ARSB: variants seen among roughly 807,000 people sequenced by gnomAD.
ARSB encodes the protein arylsulfatase B.
A neutral mutation model predicts 50.9 loss-of-function variants in ARSB; 41 were observed. The ratio of observed to expected loss-of-function variants is 0.81; its 90% confidence interval spans 0.63 to 1.04. ARSB has a LOEUF of 1.04. ARSB is among the 50% of genes least tolerant of loss of function. The pLI, the probability that ARSB is intolerant of heterozygous loss-of-function variation, is 0.00. For missense variants in ARSB, 672 were observed against 693.3 expected, an observed-to-expected ratio of 0.97 and a Z score of 0.35; for synonymous variants, 269 against 284.8, an observed-to-expected ratio of 0.94 and a Z score of 0.56.
At chr5:78,898,677 T>C (rs924341657) in intron 4 of ARSB, among the ~76,000 whole-genome samples, 4 of 152,238 alleles carry the variant, frequency 2.6e-5, no homozygotes, top group African/African-American at 7.2e-5. Flanking sequence ...CAGGTCTCAC[T>C]GGGCTAATGT....
intron 6 of ARSB, among the ~76,000 whole-genome samples, chr5:78,828,357 A>G (rs1744524966): frequency 6.6e-6 from 1 of 152,104 alleles, no homozygotes; most frequent in East Asian, 1.9e-4. Flanking sequence ...AGTGTGACAT[A>G]TTGTCCTTGT....
rs570367708 is a variant in ARSB at position 78,811,874 on chromosome 5, A to C, written c.1213+27482T>G. Among the ~76,000 whole-genome samples, 60 of 152,316 alleles carry C rather than the reference A, an allele frequency of 3.9e-4. 1 individual carries two copies. In the South Asian group the frequency reaches 0.012, roughly 31 times the overall value. Reference sequence around the variant, plus strand: ...AAAAAGCAGAAACTTAATATTGAAAAAACACTAATTATAAAGGCAGATGAA... The same window carrying C: ...AAAAAGCAGAAACTTAATATTGAAACAACACTAATTATAAAGGCAGATGAA... On this transcript the variant is annotated intron_variant, in intron 6 of 7. Transcript: ENST00000264914.
intron 4 of ARSB, among the ~76,000 whole-genome samples, chr5:78,938,039 A>T (rs1439604343): frequency 1.3e-5 from 2 of 152,146 alleles, no homozygotes; most frequent in African/African-American, 4.8e-5. Context: ...GGAGGTAAAC[A>T]ACCAGCTTCC....
rs146610778 is a variant in ARSB, at chr5:78,900,737, T to C, written c.899-14910A>G. On this transcript the variant is annotated intron_variant, in intron 4 of 7. Transcript: ENST00000264914. ...CATTCCTTGATTCATGCCCTCTTCC[T>C]TCACCTTCAAAGTCAGCAATGGGCG... Among the ~76,000 whole-genome samples the C allele has an allele frequency of 9.9e-5, 15 of 152,258 alleles. No individual in the cohort carries two copies. The East Asian group carries it at 2.7e-3, about 27-fold the overall frequency.
chr5:78,845,151 G>A (rs145635339), intron 5 of ARSB, among the ~76,000 whole-genome samples: 433 of 152,046 alleles, frequency 2.8e-3, no homozygotes, highest in Middle Eastern at 0.014. Context: ...TCTGTGCCTG[G>A]CTTATTTCAC....
intron 4 of ARSB, among the ~76,000 whole-genome samples, chr5:78,942,610 T>A (rs1453905215): frequency 6.6e-6 from 1 of 152,246 alleles, no homozygotes; most frequent in African/African-American, 2.4e-5. Context: ...AGTTTCTTAA[T>A]CCTGAGTTCT....
intron 4 of ARSB, among the ~76,000 whole-genome samples, chr5:78,941,848 G>C (rs961404874): frequency 6.6e-5 from 10 of 152,202 alleles, no homozygotes; most frequent in Non-Finnish European, 1.5e-4. Flanking sequence ...AATAGTTTCA[G>C]AAGGAATGGT....
intron 1 of ARSB, 136 bp downstream of exon 1, chr5:78,984,801 C>T (rs937526778): frequency 8.4e-5 from 54 of 639,644 alleles, no homozygotes; most frequent in Non-Finnish European, 1.2e-4. Context: ...GGGCGAGAAG[C>T]CGCCGGGACC....
intron 4 of ARSB, among the ~76,000 whole-genome samples, chr5:78,917,875 G>C (rs1466673579): frequency 6.6e-6 from 1 of 152,186 alleles, no homozygotes; most frequent in Non-Finnish European, 1.5e-5. Context: ...AGGAAGACTA[G>C]ATATACTTCA....
intron 4 of ARSB, among the ~76,000 whole-genome samples, chr5:78,929,825 TC>T (rs11355139): frequency 0.027 from 4,145 of 150,740 alleles, 134 homozygotes; most frequent in East Asian, 0.073. Context: ...GGAGACTGTA[TC>T]TTACTGATCT....
chr5:78,847,478 G>C (rs1012384070), intron 5 of ARSB, among the ~76,000 whole-genome samples: 1 of 152,092 alleles, frequency 6.6e-6, no homozygotes, highest in Admixed American at 6.6e-5. Context: ...GCATTTTGTT[G>C]AGGCTTTGTG....
intron 4 of ARSB, among the ~76,000 whole-genome samples, chr5:78,933,190 C>T (rs1750416445): frequency 6.6e-6 from 1 of 152,134 alleles, no homozygotes; most frequent in African/African-American, 2.4e-5. Context: ...TTTTATTTTA[C>T]CGAAAAAGTA....
At chr5:78,798,564 T>G (rs375134626) in intron 6 of ARSB, among the ~76,000 whole-genome samples, 28 of 152,250 alleles carry the variant, frequency 1.8e-4, no homozygotes, top group East Asian at 5.8e-4. Context: ...CCAAAACGCC[T>G]TGCTGAAGGC....
intron 4 of ARSB, among the ~76,000 whole-genome samples, chr5:78,888,542 T>A (rs894474058): frequency 3.9e-5 from 6 of 152,266 alleles, no homozygotes; most frequent in African/African-American, 1.4e-4. Context: ...CTGTTGTCTC[T>A]GTTTTAAATA....
At chr5:78,973,802 A>G (rs528579994) in intron 1 of ARSB, among the ~76,000 whole-genome samples, 3 of 152,326 alleles carry the variant, frequency 2.0e-5, no homozygotes, top group South Asian at 2.1e-4. Flanking sequence ...CAGTGTTGAG[A>G]TAATATCCCG....
At chr5:78,898,069 A>G (rs763349758) in intron 4 of ARSB, among the ~76,000 whole-genome samples, 10 of 152,146 alleles carry the variant, frequency 6.6e-5, no homozygotes, top group Non-Finnish European at 1.2e-4. Context: ...GGAGTTCGAG[A>G]CCAGCCTGGC....
At chr5:78,804,114 A>C (rs940071507) in intron 6 of ARSB, among the ~76,000 whole-genome samples, 4 of 152,216 alleles carry the variant, frequency 2.6e-5, no homozygotes, top group African/African-American at 9.7e-5. Flanking sequence ...CATAAGACAC[A>C]GGCACAGTGA....
chr5:78,923,798 A>G (rs1749933151), intron 4 of ARSB, among the ~76,000 whole-genome samples: 1 of 152,228 alleles, frequency 6.6e-6, no homozygotes, highest in South Asian at 2.1e-4. Context: ...GAATAGGTTC[A>G]GCTCTGCTCA....
intron 5 of ARSB, among the ~76,000 whole-genome samples, chr5:78,875,964 G>C (rs1747459672): frequency 1.3e-5 from 2 of 152,012 alleles, no homozygotes; most frequent in Non-Finnish European, 2.9e-5. Flanking sequence ...CACTGCGCCT[G>C]ACCTATATTA....
Sources: allele counts gnomAD v4.1 joint callset (sites outside exome capture counted in the v4.1 genomes callset), GRCh38; gene constraint gnomAD v4.1.1; transcripts MANE v1.5; gene names NCBI Gene and HGNC (gene_info 2026-07-23, HGNC 2026-07-21).